ARID2: variants seen among roughly 807,000 people sequenced by gnomAD.
ARID2 encodes AT-rich interactive domain-containing protein 2.
Under a neutral mutation model 184.6 loss-of-function variants are expected in ARID2, and 32 were observed. The observed-to-expected ratio is 0.17, with a 90% CI of 0.13 to 0.23. ARID2 has a LOEUF of 0.23. Among genes scored for constraint, ARID2 ranks in the 10% least tolerant of loss-of-function variants. ARID2 has a pLI of 1.00. For synonymous variants in ARID2, 836 were observed against 772.6 expected (o/e 1.08, Z -1.36); for missense variants, 1,696 against 2,197.6 (o/e 0.77, Z 4.56).
chr12:45,867,882 C>T (rs1943856471), intron 16 of ARID2, among the ~76,000 whole-genome samples: 1 of 152,146 alleles, frequency 6.6e-6, no homozygotes, highest in Non-Finnish European at 1.5e-5. Context: ...TGAGCCACTG[C>T]ACCTGACCAC....
rs758330574 is a variant in ARID2, at chr12:45,811,563, T to A, written c.418+12T>A. 4 of 1,611,382 alleles carry A rather than the reference T, an allele frequency of 2.5e-6. No homozygotes were observed. The highest frequency in any genetic ancestry group is 3.4e-6 in the Non-Finnish European group (4 of 1,178,858). ...ACACAGTGTGTCGGGTAAATATCAC[T>A]GCAAATTAACAGGATATATGTCCGC... On this transcript the variant is annotated intron_variant, in intron 4 of 20. Transcript: ENST00000334344.
At chr12:45,864,874 G>A (rs944670185) in intron 16 of ARID2, among the ~76,000 whole-genome samples, 6 of 152,106 alleles carry the variant, frequency 3.9e-5, no homozygotes, top group Non-Finnish European at 8.8e-5. Context: ...ATAGATGCTT[G>A]GATATTTCCC....
chr12:45,737,457 C>T (rs79986223), intron 3 of ARID2, among the ~76,000 whole-genome samples: 2 of 151,254 alleles, frequency 1.3e-5, no homozygotes, highest in African/African-American at 2.4e-5. Flanking sequence ...CTTTTGGTGT[C>T]AATTAACTTG....
rs2138180642 is a variant in ARID2 at position 45,852,692 on chromosome 12, T to C, written c.4569T>C (p.Asp1523=). Residue 1523 remains aspartate, a synonymous_variant, in exon 15 of 21, where the codon GAT becomes GAC. Coordinates refer to ENST00000334344, the MANE Select transcript of ARID2 (RefSeq NM_152641.4). ...KTVKRPAEDT[D]RETVAGIPNK... is the part of the protein sequence containing the mutation. ...TAAAGAGGCCAGCAGAGGATACTGA[T>C]AGGGAAACAGTCGCAGGAATTCCAA... 3 of 1,614,146 alleles carry C rather than the reference T, an allele frequency of 1.9e-6. No individual in the cohort carries two copies. The highest frequency in any genetic ancestry group is 2.5e-6 in the Non-Finnish European group (3 of 1,180,002).
At chr12:45,844,234 G>T (rs1382971164) in intron 11 of ARID2, among the ~76,000 whole-genome samples, 1 of 152,092 alleles carries the variant, frequency 6.6e-6, no homozygotes, top group Non-Finnish European at 1.5e-5. Context: ...TGCCCAGGCA[G>T]TCTCAAACTC....
intron 3 of ARID2, among the ~76,000 whole-genome samples, chr12:45,747,749 A>T (rs1477297692): frequency 6.6e-6 from 1 of 152,234 alleles, no homozygotes; most frequent in Non-Finnish European, 1.5e-5. Flanking sequence ...GTTGTAGAAT[A>T]TTAATTAACA....
intron 3 of ARID2, among the ~76,000 whole-genome samples, chr12:45,763,480 A>C (rs1271913029): frequency 1.3e-5 from 2 of 151,956 alleles, no homozygotes; most frequent in Non-Finnish European, 2.9e-5. Context: ...AAAAAAAAAA[A>C]AGGTCATAAA....
At chr12:45,846,791 A>G (rs947310954) in intron 11 of ARID2, 65 bp from the exon 12 acceptor site, 2 of 1,507,170 alleles carry the variant, frequency 1.3e-6, no homozygotes, top group African/African-American at 2.8e-5. Flanking sequence ...TATCCATAAA[A>G]AAAAGTATGG....
chr12:45,857,425 T>A (rs1352859657), intron 15 of ARID2, among the ~76,000 whole-genome samples: 2 of 152,132 alleles, frequency 1.3e-5, no homozygotes, highest in Non-Finnish European at 2.9e-5. Flanking sequence ...CCACTCAGAT[T>A]TGTAGACCAA....
intron 16 of ARID2, among the ~76,000 whole-genome samples, chr12:45,889,327 C>T (rs1244018741): frequency 1.3e-5 from 2 of 152,116 alleles, no homozygotes; most frequent in East Asian, 1.9e-4. Context: ...AAAATGTTAG[C>T]ATTTTAGTAT....
chr12:45,842,299 A>G (rs942962881), intron 11 of ARID2: 5 of 143,866 alleles, frequency 3.5e-5, no homozygotes, highest in East Asian at 3.9e-4. Flanking sequence ...ATGTGTGTGT[A>G]TATATATACA....
intron 3 of ARID2, among the ~76,000 whole-genome samples, chr12:45,799,476 A>G (rs1014928397): frequency 2.0e-5 from 3 of 152,154 alleles, no homozygotes; most frequent in Admixed American, 1.3e-4. Context: ...AAATTTATTT[A>G]TTTTCATCTT....
chr12:45,848,867 T>C lies in ARID2; in HGVS notation c.1612T>C (p.Cys538Arg). Residue 538 changes from cysteine (C) to arginine (R), a missense_variant, in exon 13 of 21, where the codon TGT (cysteine) becomes CGT (arginine). Physicochemically the swap from Cys to Arg is radical, Grantham distance 180. Transcript: ENST00000334344. Reference protein sequence around the residue: ...LNAHFEVNPDCSVSRAEMYSE... With the variant: ...LNAHFEVNPDRSVSRAEMYSE... ...TGCTCATTTTGAAGTAAATCCAGAT[T>C]GTTCTGTTTCTCGAGCAGAAATGTA... 1 of 1,612,082 alleles carries C rather than the reference T, an allele frequency of 6.2e-7. No homozygotes were observed. The highest frequency in any genetic ancestry group is 1.7e-5 in the Admixed American group (1 of 59,920).
At chr12:45,875,528 T>A (rs1484491946) in intron 16 of ARID2, among the ~76,000 whole-genome samples, 2 of 152,250 alleles carry the variant, frequency 1.3e-5, no homozygotes, top group African/African-American at 4.8e-5. Flanking sequence ...AAGCCAGGTA[T>A]TGACTTTTCC....
intron 3 of ARID2, among the ~76,000 whole-genome samples, chr12:45,809,351 C>G (rs1942660480): frequency 1.3e-5 from 2 of 152,238 alleles, no homozygotes; most frequent in South Asian, 4.2e-4. Flanking sequence ...ATTTTGAGCA[C>G]CTGTTTTTCC....
In ARID2 at chr12:45,850,682, T is replaced by C. The variant is rs760191828; in HGVS notation, c.2559T>C (p.Tyr853=). ...CTGTTATCATAGCACCCCCACAGTATGTAACAACTTCTGCATCCAATATTG... is the reference window on the plus strand; with the variant it reads ...CTGTTATCATAGCACCCCCACAGTACGTAACAACTTCTGCATCCAATATTG... The part of the protein sequence containing the change: ...QDTVIIAPPQ[Y]VTTSASNIVS... Residue 853 remains tyrosine (Y), a synonymous_variant, in exon 15 of 21, where the codon TAT becomes TAC. Transcript: ENST00000334344. The C allele has an allele frequency of 1.1e-5, 17 of 1,614,102 alleles. No individual in the cohort carries two copies. The highest frequency in any genetic ancestry group is 1.4e-5 in the Non-Finnish European group (17 of 1,179,970).
rs375191186 is a variant in ARID2, at chr12:45,851,285, T to C, written c.3162T>C (p.Ser1054=). The C allele has an allele frequency of 2.0e-5, 32 of 1,614,068 alleles. No homozygotes were observed. Among genetic ancestry groups the C allele is most frequent in the Non-Finnish European group, 2.5e-5 (30 of 1,180,020 alleles). ...QSNAGVGQPA[S]GESSLIKQLL... The stretch of plus-strand genomic sequence containing the variant: ...ATGCAGGAGTTGGTCAGCCTGCCTC[T>C]GGTGAGTCGAGTCTGATTAAACAGC... Residue 1054 remains serine (S), a synonymous_variant, in exon 15 of 21, where the codon TCT becomes TCC. Coordinates refer to ENST00000334344, the MANE Select transcript of ARID2 (RefSeq NM_152641.4).
intron 16 of ARID2, among the ~76,000 whole-genome samples, chr12:45,870,209 C>G (rs1943901274): frequency 6.6e-6 from 1 of 152,008 alleles, no homozygotes; most frequent in Non-Finnish European, 1.5e-5. Flanking sequence ...AGGATGGTCT[C>G]GATCTCCTGA....
chr12:45,836,775 A>G lies in ARID2; in HGVS notation c.807A>G (p.Leu269=), dbSNP rs776321586. 1.2e-6 allele frequency: 2 copies of G among 1,613,784 alleles called. No homozygotes were observed. Among genetic ancestry groups the G allele is most frequent in the African/African-American group, 2.7e-5 (2 of 74,894 alleles). Residue 269 remains leucine, a synonymous_variant, in exon 8 of 21, where the codon TTA becomes TTG. Coordinates refer to ENST00000334344, the MANE Select transcript of ARID2 (RefSeq NM_152641.4). The part of the protein sequence containing the change: ...GTSGEWIWES[L]FHPPRKLGIN... The stretch of plus-strand genomic sequence containing the variant: ...CAGGAGAATGGATTTGGGAGTCTTT[A>G]TTTCATCCACCTCGAAAGCTGGGCA...
Sources: allele counts gnomAD v4.1 joint callset (sites outside exome capture counted in the v4.1 genomes callset), GRCh38; gene constraint gnomAD v4.1.1; transcripts MANE v1.5; gene names NCBI Gene and HGNC (gene_info 2026-07-23, HGNC 2026-07-21).